The following PPM1L variants were observed in gnomAD, a reference collection of about 807,000 sequenced individuals.
The protein encoded by PPM1L is protein phosphatase 1L.
In PPM1L, 13 loss-of-function variants were observed where a neutral mutation model predicts 31.4. The ratio of observed to expected loss-of-function variants is 0.41; its 90% CI spans 0.27 to 0.66. The LOEUF (loss-of-function observed/expected upper bound fraction) is 0.66. Among genes scored for constraint, PPM1L ranks in the 30% least tolerant of loss-of-function variants. The probability of loss-of-function intolerance (pLI) is 0.29; values close to 1 mark genes in which losing one functional copy is unlikely to be tolerated. For synonymous variants in PPM1L, 184 were observed against 175.4 expected, an observed-to-expected ratio of 1.05 and a Z score of -0.39; for missense variants, 326 against 453.7, an observed-to-expected ratio of 0.72 and a Z score of 2.56.
At chr3:160,794,780 T>TA (rs1166539729) in intron 1 of PPM1L, among the ~76,000 whole-genome samples, 4 of 152,002 alleles carry the variant, frequency 2.6e-5, no homozygotes, top group Non-Finnish European at 4.4e-5. Flanking sequence ...CTGGTGAGCT[T>TA]AAAAAAAATC....
intron 1 of PPM1L, among the ~76,000 whole-genome samples, chr3:160,809,368 C>T (rs1712739430): frequency 6.6e-6 from 1 of 152,116 alleles, no homozygotes; most frequent in South Asian, 2.1e-4. Context: ...CCTCCCTCTT[C>T]CTCCCTACAT....
chr3:160,903,207 T>C (rs1208639460), intron 1 of PPM1L, among the ~76,000 whole-genome samples: 1 of 108,452 alleles, frequency 9.2e-6, no homozygotes, highest in African/African-American at 4.0e-5. Context: ...TGTGTGTATG[T>C]TTGTGTGTGT....
At chr3:160,787,779 G>C (rs1005678134) in intron 1 of PPM1L, among the ~76,000 whole-genome samples, 4 of 152,132 alleles carry the variant, frequency 2.6e-5, no homozygotes, top group African/African-American at 9.7e-5. Context: ...TTTTGTATAT[G>C]GTGAAAGGAA....
chr3:160,840,404 G>T (rs2108104205), intron 1 of PPM1L, among the ~76,000 whole-genome samples: 1 of 152,262 alleles, frequency 6.6e-6, no homozygotes, highest in South Asian at 2.1e-4. Flanking sequence ...GTTCTTCAGA[G>T]AAACAGAACC....
At chr3:160,821,682 G>A (rs187482974) in intron 1 of PPM1L, among the ~76,000 whole-genome samples, 1 of 152,104 alleles carries the variant, frequency 6.6e-6, no homozygotes, top group Admixed American at 6.6e-5. Context: ...CACTAGTTAT[G>A]ACATATCTAT....
At chr3:160,900,811 A>T (rs1219932984) in intron 1 of PPM1L, among the ~76,000 whole-genome samples, 1 of 152,036 alleles carries the variant, frequency 6.6e-6, no homozygotes. Context: ...ATTTCAAGTA[A>T]TTTTTCCAGA....
intron 2 of PPM1L, among the ~76,000 whole-genome samples, chr3:160,977,820 A>G (rs1255819713): frequency 6.6e-6 from 1 of 152,214 alleles, no homozygotes; most frequent in African/African-American, 2.4e-5. Context: ...CAAAAAGAGA[A>G]ACCTAATGAC....
chr3:160,873,692 C>T (rs1712399820), intron 1 of PPM1L, among the ~76,000 whole-genome samples: 2 of 152,048 alleles, frequency 1.3e-5, no homozygotes, highest in African/African-American at 4.8e-5. Flanking sequence ...GGACTACAGG[C>T]ACATGCCACC....
At chr3:160,969,463 A>T (rs898932069) in intron 2 of PPM1L, among the ~76,000 whole-genome samples, 1 of 152,154 alleles carries the variant, frequency 6.6e-6, no homozygotes, top group Non-Finnish European at 1.5e-5. Flanking sequence ...TTGAACATAC[A>T]TCCAGCAACC....
intron 1 of PPM1L, among the ~76,000 whole-genome samples, chr3:160,827,651 A>G (rs967040958): frequency 1.3e-5 from 2 of 152,122 alleles, no homozygotes; most frequent in South Asian, 4.1e-4. Context: ...ACAAAGTGAT[A>G]GCTATTAGAC....
At chr3:160,813,075 A>G (rs1223792076) in intron 1 of PPM1L, among the ~76,000 whole-genome samples, 1 of 152,128 alleles carries the variant, frequency 6.6e-6, no homozygotes, top group Non-Finnish European at 1.5e-5. Flanking sequence ...CTGGCTAGAG[A>G]AAACCCTGTT....
intron 2 of PPM1L, among the ~76,000 whole-genome samples, chr3:161,038,220 C>G (rs1168146708): frequency 2.6e-5 from 3 of 115,454 alleles, no homozygotes; most frequent in African/African-American, 3.8e-5. Flanking sequence ...GGCGACAGAG[C>G]GAGACTCCGT....
At chr3:160,923,496 T>C (rs1354289209) in intron 1 of PPM1L, among the ~76,000 whole-genome samples, 1 of 152,326 alleles carries the variant, frequency 6.6e-6, no homozygotes, top group East Asian at 1.9e-4. Flanking sequence ...TTTTAGGCCA[T>C]TGAGTGGCAT....
At chr3:160,948,210 A>G (rs1715469932) in intron 1 of PPM1L, among the ~76,000 whole-genome samples, 1 of 152,224 alleles carries the variant, frequency 6.6e-6, no homozygotes, top group Admixed American at 6.5e-5. Context: ...TGTAAGGTTC[A>G]TGAACTGTAT....
intron 2 of PPM1L, among the ~76,000 whole-genome samples, chr3:161,036,735 G>T (rs1267684076): frequency 6.6e-6 from 1 of 152,068 alleles, no homozygotes; most frequent in Non-Finnish European, 1.5e-5. Flanking sequence ...ATCAACCTGT[G>T]GTCACCAGTC....
rs116246630 is a variant in PPM1L at position 160,863,951 on chromosome 3, G to A, written c.400-97785G>A. On this transcript the variant is annotated intron_variant, in intron 1 of 3. Coordinates refer to ENST00000498165, the MANE Select transcript of PPM1L (RefSeq NM_139245.4). The stretch of plus-strand genomic sequence containing the variant: ...TGAGATGGAAAAAAACATCTAGATG[G>A]ATATAGGTAGATGAAGTAACCCTGG... Among the ~76,000 whole-genome samples the A allele has an allele frequency of 4.2e-3, 639 of 152,222 alleles. 3 individuals carry two copies. Among genetic ancestry groups the A allele is most frequent in the African/African-American group, 0.015 (612 of 41,516 alleles).
intron 1 of PPM1L, among the ~76,000 whole-genome samples, chr3:160,947,241 TA>T (rs1366590030): frequency 1.3e-5 from 2 of 152,216 alleles, no homozygotes; most frequent in Non-Finnish European, 2.9e-5. Flanking sequence ...TGGGCAAATG[TA>T]GTGATATTTC....
At chr3:160,889,958 T>G (rs1222563242) in intron 1 of PPM1L, among the ~76,000 whole-genome samples, 3 of 152,216 alleles carry the variant, frequency 2.0e-5, no homozygotes, top group African/African-American at 7.2e-5. Context: ...CATCCTTTCA[T>G]GTTAAAAACT....
At chr3:160,849,578 G>T (rs569488097) in intron 1 of PPM1L, among the ~76,000 whole-genome samples, 101 of 151,684 alleles carry the variant, frequency 6.7e-4, no homozygotes, top group African/African-American at 2.4e-3. Context: ...CCACCACCAC[G>T]CCCGGCTAAT....
Sources: gnomAD v4.1 joint callset for allele counts (sites outside exome capture counted in the v4.1 genomes callset) on GRCh38, gnomAD v4.1.1 for gene constraint, MANE v1.5 for transcripts, NCBI Gene and HGNC (gene_info 2026-07-23, HGNC 2026-07-21) for gene names.